The following GNAQ variants were observed in gnomAD, a reference collection of about 807,000 sequenced individuals.
The protein encoded by GNAQ is G protein subunit alpha q, also known as guanine nucleotide-binding protein G(q) subunit alpha.
A neutral mutation model predicts 43.9 loss-of-function variants in GNAQ; 8 were observed. That is an observed-to-expected ratio of 0.18 (90% CI 0.11 to 0.33). The LOEUF is 0.33. GNAQ is among the 10% of genes least tolerant of loss of function. The probability of loss-of-function intolerance (pLI) is 1.00; values close to 1 mark genes in which losing one functional copy is unlikely to be tolerated. For synonymous variants in GNAQ, 155 were observed against 170.7 expected, an observed-to-expected ratio of 0.91 and a Z score of 0.71; for missense variants, 158 against 450.8, an observed-to-expected ratio of 0.35 and a Z score of 5.88.
chr9:78,003,807 C>G (rs1337393871), intron 1 of GNAQ, among the ~76,000 whole-genome samples: 1 of 144,116 alleles, frequency 6.9e-6, no homozygotes, highest in Non-Finnish European at 1.5e-5. Flanking sequence ...TAGAGCAAGA[C>G]TGTCTAAAAA....
chr9:77,909,487 A>G (rs1024565249), intron 2 of GNAQ, among the ~76,000 whole-genome samples: 10 of 152,200 alleles, frequency 6.6e-5, no homozygotes, highest in Non-Finnish European at 1.5e-4. Flanking sequence ...GCCAATATCG[A>G]CAACACTCAG....
chr9:77,854,410 G>A (rs1827719256), intron 2 of GNAQ, among the ~76,000 whole-genome samples: 2 of 152,122 alleles, frequency 1.3e-5, no homozygotes, highest in African/African-American at 4.8e-5. Flanking sequence ...TGTTAAAAAG[G>A]AAGGAAAACA....
intron 2 of GNAQ, among the ~76,000 whole-genome samples, chr9:77,877,801 C>T (rs140479128): frequency 1.3e-5 from 2 of 152,256 alleles, no homozygotes; most frequent in East Asian, 1.9e-4. Flanking sequence ...GACCCATCTG[C>T]AATGCTCATT....
At chr9:77,841,130 T>G (rs538213656) in intron 2 of GNAQ, among the ~76,000 whole-genome samples, 2 of 146,662 alleles carry the variant, frequency 1.4e-5, no homozygotes, top group East Asian at 4.1e-4. Context: ...CAAATTGTAT[T>G]GAAGCACAGA....
intron 6 of GNAQ, among the ~76,000 whole-genome samples, chr9:77,725,702 C>T (rs996154160): frequency 5.3e-5 from 8 of 150,704 alleles, no homozygotes; most frequent in African/African-American, 1.2e-4. Context: ...AAAGGAGGTA[C>T]GTGAAGAGAT....
intron 5 of GNAQ, among the ~76,000 whole-genome samples, chr9:77,767,215 G>A (rs1016150824): frequency 2.0e-5 from 3 of 152,076 alleles, no homozygotes; most frequent in African/African-American, 7.2e-5. Context: ...TTTCAACCTC[G>A]ACACTACTGA....
intron 2 of GNAQ, among the ~76,000 whole-genome samples, chr9:77,844,311 C>A (rs1827544455): frequency 6.6e-6 from 1 of 152,172 alleles, no homozygotes; most frequent in Admixed American, 6.5e-5. Context: ...CATGAAGGGG[C>A]CCACTGTTCT....
chr9:77,978,441 T>C (rs1260466445), intron 1 of GNAQ, among the ~76,000 whole-genome samples: 2 of 152,226 alleles, frequency 1.3e-5, no homozygotes, highest in African/African-American at 4.8e-5. Flanking sequence ...CCTGCCTCTT[T>C]TCCTGCCTTC....
At chr9:78,011,475 C>T (rs1037045195) in intron 1 of GNAQ, among the ~76,000 whole-genome samples, 1 of 151,702 alleles carries the variant, frequency 6.6e-6, no homozygotes, top group Non-Finnish European at 1.5e-5. Flanking sequence ...CTCTAGAAAA[C>T]AGAAGAAAAA....
In GNAQ at chr9:77,938,535, C is replaced by A. The variant is rs149929737; in HGVS notation, c.137-16190G>T. On this transcript the variant is annotated intron_variant, in intron 1 of 6. Coordinates refer to ENST00000286548, the MANE Select transcript of GNAQ (RefSeq NM_002072.5). ...GCAAGGCCCACACAGGAGGTAAGTG[C>A]CTGAAATTGTGTGGTGAAAATGGGC... 1.4e-3 allele frequency among the ~76,000 whole-genome samples: 208 copies of A among 152,164 alleles called. 2 individuals carry two copies. The highest frequency in any genetic ancestry group is 0.01 in the Middle Eastern group (3 of 294).
intron 2 of GNAQ, among the ~76,000 whole-genome samples, chr9:77,902,151 T>C (rs902967295): frequency 3.3e-5 from 5 of 152,238 alleles, no homozygotes; most frequent in Admixed American, 6.5e-5. Context: ...CCTCTTAGCA[T>C]TACATTAAAA....
chr9:77,976,770 T>C (rs1823308424), intron 1 of GNAQ, among the ~76,000 whole-genome samples: 1 of 152,204 alleles, frequency 6.6e-6, no homozygotes, highest in South Asian at 2.1e-4. Context: ...AGATTTCACA[T>C]AAAAAGCAGA....
chr9:77,727,807 C>G (rs1013834849), intron 6 of GNAQ, among the ~76,000 whole-genome samples: 10 of 152,086 alleles, frequency 6.6e-5, no homozygotes, highest in Non-Finnish European at 1.3e-4. Context: ...GGATCTCAAC[C>G]TTGATAGACT....
At chr9:77,911,028 C>A (rs1224464440) in intron 2 of GNAQ, among the ~76,000 whole-genome samples, 2 of 152,172 alleles carry the variant, frequency 1.3e-5, no homozygotes, top group African/African-American at 2.4e-5. Context: ...AAATACTGAA[C>A]TAGGTTTAAG....
intron 1 of GNAQ, among the ~76,000 whole-genome samples, chr9:78,020,146 T>G (rs955322165): frequency 3.8e-4 from 58 of 152,156 alleles, no homozygotes; most frequent in Non-Finnish European, 5.9e-5. Flanking sequence ...CTCATGCTAT[T>G]GCTTATTTAT....
At chr9:77,933,670 G>A (rs1007546236) in intron 1 of GNAQ, among the ~76,000 whole-genome samples, 2 of 151,444 alleles carry the variant, frequency 1.3e-5, no homozygotes, top group Admixed American at 1.3e-4. Context: ...ATTGATACAT[G>A]CACACTTCTT....
chr9:78,005,515 G>A (rs1250999775), intron 1 of GNAQ, among the ~76,000 whole-genome samples: 2 of 152,168 alleles, frequency 1.3e-5, no homozygotes, highest in Non-Finnish European at 2.9e-5. Context: ...ATAACTGAGC[G>A]TTCTATGTGT....
chr9:77,734,359 G>C (rs1825540024), intron 5 of GNAQ, among the ~76,000 whole-genome samples: 1 of 151,986 alleles, frequency 6.6e-6, no homozygotes, highest in South Asian at 2.1e-4. Flanking sequence ...GTCTCTCCCG[G>C]GTGGTATTTT....
chr9:77,738,910 G>C (rs1825611998), intron 5 of GNAQ, among the ~76,000 whole-genome samples: 1 of 151,838 alleles, frequency 6.6e-6, no homozygotes, highest in Admixed American at 6.6e-5. Flanking sequence ...AGTTATAGTG[G>C]GCTTAACTGT....
Sources: gnomAD v4.1 joint callset for allele counts (sites outside exome capture counted in the v4.1 genomes callset) on GRCh38, gnomAD v4.1.1 for gene constraint, MANE v1.5 for transcripts, NCBI Gene and HGNC (gene_info 2026-07-23, HGNC 2026-07-21) for gene names.